The following TTN variants were observed in gnomAD, a reference collection of about 807,000 sequenced individuals.
The protein encoded by TTN is connectin.
Under a neutral mutation model 3,223.0 loss-of-function variants are expected in TTN, and 1,525 were observed. That is an observed-to-expected ratio of 0.47 (90% CI 0.45 to 0.49). TTN has a LOEUF of 0.49. TTN is among the 20% of genes least tolerant of loss of function. TTN has a pLI of 0.00. For synonymous variants in TTN, 14,094 were observed against 15,161.0 expected (o/e 0.93, Z 5.17); for missense variants, 40,786 against 43,424.0 (o/e 0.94, Z 5.40).
In TTN at chr2:178,550,037, C is replaced by T; in HGVS notation, c.91801G>A (p.Ala30601Thr). Reference sequence around the variant, plus strand: ...TTTGCAGAACCAGATGCATTTTTGGCTTCCACTGTGTATACACCACGATGG... The same window carrying T: ...TTTGCAGAACCAGATGCATTTTTGGTTTCCACTGTGTATACACCACGATGG... ...RDHRGVYTVE[A>T]KNASGSAKAE... Residue 30601 changes from alanine (A) to threonine (T), a missense_variant, in exon 337 of 363, where the codon GCC becomes ACC. By Grantham distance (58) the Ala-to-Thr change is moderately conservative. Coordinates refer to ENST00000589042, the MANE Select transcript of TTN (RefSeq NM_001267550.2). 1.9e-6 allele frequency: 3 copies of T among 1,611,938 alleles called. No homozygotes were observed. Among genetic ancestry groups the T allele is most frequent in the Middle Eastern group, 1.7e-4 (1 of 6,048 alleles).
Position 178,599,417 on chromosome 2 carries a change from T to C in TTN, c.56376A>G (p.Ile18792Met), listed in dbSNP as rs794729241. ...GATCTGCTGAAACAGATTCAAATTTTATGGGTCCCACTGGAGGGCCAGGAC... is the reference window on the plus strand; with the variant it reads ...GATCTGCTGAAACAGATTCAAATTTCATGGGTCCCACTGGAGGGCCAGGAC... The part of the protein sequence containing the change: ...LGRPGPPVGP[I>M]KFESVSADQM... Residue 18792 changes from isoleucine (I) to methionine (M), a missense_variant, in exon 290 of 363, where the codon ATA (isoleucine) becomes ATG (methionine). Coordinates refer to ENST00000589042, the MANE Select transcript of TTN (RefSeq NM_001267550.2). 3.9e-6 allele frequency: 6 copies of C among 1,554,882 alleles called. No homozygotes were observed. Among genetic ancestry groups the C allele is most frequent in the Admixed American group, 2.0e-5 (1 of 50,762 alleles).
chr2:178,727,471 G>C, intron 68 of TTN, 100 bp from the exon 69 acceptor site: 1 of 1,501,540 alleles, frequency 6.7e-7, no homozygotes. Flanking sequence ...AGCAAATACT[G>C]TTTACTATGT....
At chr2:178,702,784 G>T (rs2075232357) in intron 106 of TTN, 121 bp from the exon 107 acceptor site, 2 of 1,074,388 alleles carry the variant, frequency 1.9e-6, no homozygotes, top group Non-Finnish European at 2.6e-6. Context: ...AGCAAGAAAA[G>T]TTCAAAAATC....
intron 121 of TTN, among the ~76,000 whole-genome samples, chr2:178,691,044 G>T (rs1249645270): frequency 6.6e-6 from 1 of 152,044 alleles, no homozygotes; most frequent in Non-Finnish European, 1.5e-5. Context: ...TATTAGTATT[G>T]GTTTTACTAA....
In TTN at chr2:178,692,559, G is replaced by T; in HGVS notation, c.31616C>A (p.Pro10539Gln). Residue 10539 changes from proline to glutamine, a missense_variant, in exon 120 of 363, where the codon CCA (proline) becomes CAA (glutamine). Transcript: ENST00000589042. ...AACAGGGGCCACTTCTTCTGGAGCT[G>T]GTTTCTCAGGTAGCTCAGGGACTTT... ...PPKVPELPEK[P>Q]APEEVAPVPI... The T allele has an allele frequency of 6.4e-7, 1 of 1,566,402 alleles. No individual in the cohort carries two copies.
chr2:178,775,997 T>C lies in TTN; in HGVS notation c.5867A>G (p.Lys1956Arg), dbSNP rs1554006239. The C allele has an allele frequency of 6.2e-7, 1 of 1,614,048 alleles. No homozygotes were observed. Among genetic ancestry groups the C allele is most frequent in the Admixed American group, 1.7e-5 (1 of 60,000 alleles). ...RPEFHVHEPG[K>R]LQFEVQKVDR... is the part of the protein sequence containing the mutation. ...CACTTTTTGTACTTCAAACTGAAGC[T>C]TTCCTGGTTCATGTACGTGAAACTC... The change falls in exon 28 of 363, where the codon AAG becomes AGG. Residue 1956 changes from lysine (K) to arginine (R), a missense_variant. Lys to Arg is a conservative substitution (Grantham distance 26). Coordinates refer to ENST00000589042, the MANE Select transcript of TTN (RefSeq NM_001267550.2).
chr2:178,609,442 G>A lies in TTN; in HGVS notation c.51868C>T (p.Pro17290Ser), dbSNP rs1481460924. ...GCTGCACGCTTCTTAATTTCCTCTGGTACAATAACATTTTCATCCTTTATC... is the reference window on the plus strand; with the variant it reads ...GCTGCACGCTTCTTAATTTCCTCTGATACAATAACATTTTCATCCTTTATC... ...TWIKDENVIV[P>S]EEIKKRAAPL... Residue 17290 changes from proline (P) to serine (S), a missense_variant, in exon 273 of 363, where the codon CCA becomes TCA. Pro to Ser is a moderately conservative substitution (Grantham distance 74). Transcript: ENST00000589042. 3.1e-6 allele frequency: 5 copies of A among 1,612,120 alleles called. No individual in the cohort carries two copies. Among genetic ancestry groups the A allele is most frequent in the East Asian group, 2.2e-5 (1 of 44,542 alleles).
chr2:178,537,844 T>C lies in TTN; in HGVS notation c.99363A>G (p.Ser33121=), dbSNP rs1033602678. The C allele has an allele frequency of 8.7e-6, 14 of 1,613,532 alleles. No homozygotes were observed. The highest frequency in any genetic ancestry group is 1.1e-5 in the Non-Finnish European group (13 of 1,179,694). Residue 33121 remains serine (S), a synonymous_variant, in exon 355 of 363, where the codon TCA becomes TCG. Transcript: ENST00000589042. ...GAAGAGGCCTTCCAACAATCTGGCA[T>C]GAGAGTTGAGCAGCTTCACCCAATT... ...TTKLGEAAQL[S]CQIVGRPLPD...
rs1454560282 is a variant in TTN, at chr2:178,711,262, C to T, written c.27974G>A (p.Ser9325Asn). The T allele has an allele frequency of 6.2e-7, 1 of 1,613,642 alleles. No homozygotes were observed. Among genetic ancestry groups the T allele is most frequent in the Admixed American group, 1.7e-5 (1 of 59,984 alleles). The change falls in exon 97 of 363, where the codon AGT becomes AAT. Residue 9325 changes from serine (S) to asparagine (N), a missense_variant. Ser to Asn is a conservative substitution (Grantham distance 46). Coordinates refer to ENST00000589042, the MANE Select transcript of TTN (RefSeq NM_001267550.2). Reference sequence around the variant, plus strand: ...AGACACGGAGATAGGTTCTGATCCACTTATGGCACAATCAAAAACAACTGG... The same window carrying T: ...AGACACGGAGATAGGTTCTGATCCATTTATGGCACAATCAAAAACAACTGG... ...GLPVVFDCAI[S>N]GSEPISVSWY...
chr2:178,775,420 G>A lies in TTN; in HGVS notation c.6444C>T (p.Ser2148=), dbSNP rs2092111374. The A allele has an allele frequency of 1.2e-6, 2 of 1,613,936 alleles. No homozygotes were observed. The highest frequency in any genetic ancestry group is 1.7e-5 in the Admixed American group (1 of 59,980). The change falls in exon 28 of 363, where the codon AGC becomes AGT. Residue 2148 remains serine, a synonymous_variant. Coordinates refer to ENST00000589042, the MANE Select transcript of TTN (RefSeq NM_001267550.2). ...CTATGTTGATGGCTTTTACCATGATGCTGGCAGAGTCCTCAGCAGTCACAT... is the reference window on the plus strand; with the variant it reads ...CTATGTTGATGGCTTTTACCATGATACTGGCAGAGTCCTCAGCAGTCACAT... ...IRDVTAEDSA[S]IMVKAINIAG...
chr2:178,673,582 A>G, intron 152 of TTN, 51 bp downstream of exon 152: 1 of 1,441,326 alleles, frequency 6.9e-7, no homozygotes, highest in South Asian at 1.4e-5. Flanking sequence ...TGCTTTTAAG[A>G]AAGAAAATTA....
chr2:178,580,032 C>G lies in TTN; in HGVS notation c.67255G>C (p.Glu22419Gln), dbSNP rs1460379508. 6.2e-7 allele frequency: 1 copy of G among 1,613,324 alleles called. No homozygotes were observed. Residue 22419 changes from glutamate (E) to glutamine (Q), a missense_variant, in exon 318 of 363, where the codon GAG (glutamate) becomes CAG (glutamine). Glu to Gln is a conservative substitution (Grantham distance 29). Coordinates refer to ENST00000589042, the MANE Select transcript of TTN (RefSeq NM_001267550.2). ...CGGAAGAAGTAGGATTTTCCCTCCT[C>G]CAAATTAGCTACTCTGAAGCTTGTT... ...SKTSFRVANL[E>Q]EGKSYFFRVF... is the part of the protein sequence containing the mutation.
rs188728343 is a variant in TTN, at chr2:178,527,006, G to T, written c.*6C>A. 1.4e-3 allele frequency: 2,266 copies of T among 1,604,794 alleles called. 35 individuals are homozygous for T. Among genetic ancestry groups the T allele is most frequent in the Non-Finnish European group, 4.3e-4 (508 of 1,173,758 alleles). On this transcript the variant is annotated 3_prime_UTR_variant, in exon 363 of 363. Transcript: ENST00000589042. Reference sequence around the variant, plus strand: ...ATGAGTGTAGAGTATAAGGGCACAGGCCCTCTTAAATGGATCGAATATGTA... The same window carrying T: ...ATGAGTGTAGAGTATAAGGGCACAGTCCCTCTTAAATGGATCGAATATGTA...
In TTN at chr2:178,576,819, G is replaced by A. The variant is rs2288572; in HGVS notation, c.69425C>T (p.Pro23142Leu). The stretch of plus-strand genomic sequence containing the variant: ...ATTTGATACCTCTGGTTTTTCAGGA[G>A]GGCCAGGGGGACCTGAAAAGGAAGC... Reference protein sequence around the residue: ...KMVDRFGPPGPPEKPEVSNVT... With the variant: ...KMVDRFGPPGLPEKPEVSNVT... Residue 23142 changes from proline (P) to leucine (L), a missense_variant, in exon 325 of 363, where the codon CCT (proline) becomes CTT (leucine). Physicochemically the swap from Pro to Leu is moderately conservative, Grantham distance 98 (BLOSUM62 -3). Transcript: ENST00000589042. The surrounding 1 kb of genome is among the most constrained non-coding windows in gnomAD (Gnocchi z 4.3). 1 of 1,607,244 alleles carries A rather than the reference G, an allele frequency of 6.2e-7. No individual in the cohort carries two copies. The highest frequency in any genetic ancestry group is 2.2e-5 in the East Asian group (1 of 44,748).
At chr2:178,764,952 G>C in intron 41 of TTN, 141 bp from the exon 42 acceptor site, 2 of 857,328 alleles carry the variant, frequency 2.3e-6, no homozygotes, top group South Asian at 3.4e-5. Context: ...ACTTGCCTCA[G>C]AATATTAGAA....
Position 178,531,207 on chromosome 2 carries a change from C to A in TTN, c.105408G>T (p.Arg35136=). 2 of 1,613,958 alleles carry A rather than the reference C, an allele frequency of 1.2e-6. No individual in the cohort carries two copies. Among genetic ancestry groups the A allele is most frequent in the Non-Finnish European group, 1.7e-6 (2 of 1,179,862 alleles). Residue 35136 remains arginine (R), a synonymous_variant, in exon 358 of 363, where the codon CGG becomes CGT. Coordinates refer to ENST00000589042, the MANE Select transcript of TTN (RefSeq NM_001267550.2). ...TLAARILTKP[R]SMTVYEGESA... is the part of the protein sequence containing the mutation. ...ACTCGCCCTCGTAGACGGTCATGGA[C>A]CGTGGCTTTGTTAGAATTCTTGCTG...
chr2:178,800,016 C>CA, intron 4 of TTN, 106 bp from the exon 5 acceptor site: 1 of 1,244,094 alleles, frequency 8.0e-7, no homozygotes, highest in Non-Finnish European at 1.1e-6. Context: ...CTGGATATCC[C>CA]AATGGAGAAA....
chr2:178,722,991 C>G, intron 75 of TTN, 54 bp from the exon 76 acceptor site: 1 of 1,597,150 alleles, frequency 6.3e-7, no homozygotes, highest in Non-Finnish European at 8.5e-7. Flanking sequence ...ATCAAAGAAA[C>G]TATGCTACAT....
In TTN at chr2:178,543,229, T is replaced by G; in HGVS notation, c.96744A>C (p.Arg32248Ser). The G allele has an allele frequency of 7.4e-6, 12 of 1,613,780 alleles. No individual in the cohort carries two copies. The highest frequency in any genetic ancestry group is 1.3e-5 in the African/African-American group (1 of 75,020). The part of the protein sequence containing the change: ...VLEACKAGTE[R>S]WMKVVTLKPT... ...GTTTTAAGGTGACAACCTTCATCCA[T>G]CTCTCTGTGCCAGCTTTGCAGGCCT... Residue 32248 changes from arginine (R) to serine (S), a missense_variant, in exon 347 of 363, where the codon AGA (arginine) becomes AGC (serine). Physicochemically the swap from Arg to Ser is moderately radical, Grantham distance 110. Transcript: ENST00000589042.
Sources: allele counts gnomAD v4.1 joint callset (sites outside exome capture counted in the v4.1 genomes callset), GRCh38; gene constraint gnomAD v4.1.1; non-coding constraint Gnocchi (gnomAD v3.1); transcripts MANE v1.5; gene names NCBI Gene and HGNC (gene_info 2026-07-23, HGNC 2026-07-21).